Variants in KIAA1217 observed in about 807,000 individuals in gnomAD.
KIAA1217 encodes the protein sickle tail protein homolog.
KIAA1217 carries 88 observed loss-of-function variants against 163.9 expected under a neutral mutation model. The observed-to-expected ratio is 0.54, with a 90% CI of 0.45 to 0.64. The LOEUF is 0.64. Ranked by LOEUF, KIAA1217 falls within the 30% of genes least tolerant of loss-of-function variation. The pLI, the probability that KIAA1217 is intolerant of heterozygous loss-of-function variation, is 0.00. For synonymous variants in KIAA1217, 903 were observed against 923.1 expected (o/e 0.98, Z 0.39); for missense variants, 2,372 against 2,475.0 (o/e 0.96, Z 0.88).
At chr10:23,742,809 A>G (rs1043141087) in intron 1 of KIAA1217, among the ~76,000 whole-genome samples, 1 of 152,200 alleles carries the variant, frequency 6.6e-6, no homozygotes, top group Non-Finnish European at 1.5e-5. Context: ...TCAAACACTG[A>G]TGAACAGCCA....
chr10:24,292,206 G>A (rs930355589), intron 2 of KIAA1217, among the ~76,000 whole-genome samples: 2 of 152,202 alleles, frequency 1.3e-5, no homozygotes, highest in Admixed American at 6.5e-5. Context: ...TTAAGTGGAT[G>A]TAGTTTGCAG....
intron 2 of KIAA1217, among the ~76,000 whole-genome samples, chr10:24,101,485 G>A (rs2062413767): frequency 6.6e-6 from 1 of 152,038 alleles, no homozygotes; most frequent in Non-Finnish European, 1.5e-5. Context: ...CCTGGTGGAC[G>A]CTTAAATCAA....
intron 2 of KIAA1217, among the ~76,000 whole-genome samples, chr10:24,263,939 C>T (rs2131784768): frequency 6.6e-6 from 1 of 152,190 alleles, no homozygotes; most frequent in East Asian, 1.9e-4. Flanking sequence ...CTCACTGCAA[C>T]CCCTGCCTCC....
At chr10:23,878,287 C>A (rs529464822) in intron 1 of KIAA1217, among the ~76,000 whole-genome samples, 1 of 151,844 alleles carries the variant, frequency 6.6e-6, no homozygotes, top group Non-Finnish European at 1.5e-5. Context: ...ATGAAGCCAG[C>A]GGACAGTATC....
At chr10:24,035,557 A>T (rs1848358192) in intron 2 of KIAA1217, among the ~76,000 whole-genome samples, 1 of 152,226 alleles carries the variant, frequency 6.6e-6, no homozygotes, top group African/African-American at 2.4e-5. Flanking sequence ...CTTCTGAGGC[A>T]GAGTGTAGCT....
intron 9 of KIAA1217, among the ~76,000 whole-genome samples, chr10:24,511,596 G>C (rs1308845105): frequency 6.6e-6 from 1 of 152,118 alleles, no homozygotes; most frequent in Non-Finnish European, 1.5e-5. Flanking sequence ...GCAGTGAACT[G>C]AGATCGTGCC....
intron 1 of KIAA1217, among the ~76,000 whole-genome samples, chr10:23,995,656 A>C (rs1425488588): frequency 6.6e-6 from 1 of 152,216 alleles, no homozygotes; most frequent in East Asian, 1.9e-4. Flanking sequence ...GCGGCAATCC[A>C]GGGACTGTCT....
intron 2 of KIAA1217, among the ~76,000 whole-genome samples, chr10:24,195,265 A>G (rs1279763973): frequency 6.6e-6 from 1 of 152,204 alleles, no homozygotes; most frequent in Non-Finnish European, 1.5e-5. Flanking sequence ...AGTGCCTTTT[A>G]TTAAGCTTCC....
intron 2 of KIAA1217, among the ~76,000 whole-genome samples, chr10:24,024,283 CT>C (rs1847853943): frequency 6.6e-6 from 1 of 151,496 alleles, no homozygotes; most frequent in Non-Finnish European, 1.5e-5. Context: ...TTCCATTGTC[CT>C]CTTTTGCAGT....
intron 11 of KIAA1217, among the ~76,000 whole-genome samples, chr10:24,520,874 CAAAAAAT>C (rs1339463546): frequency 6.8e-6 from 1 of 147,034 alleles, no homozygotes; most frequent in African/African-American, 2.5e-5. Context: ...AAATAAAAAA[CAAAAAAT>C]AAAAAATTAA....
intron 2 of KIAA1217, among the ~76,000 whole-genome samples, chr10:24,194,468 C>G (rs574990565): frequency 1.3e-5 from 2 of 151,098 alleles, no homozygotes; most frequent in Non-Finnish European, 2.9e-5. Context: ...ACTACGGACA[C>G]TTGCCACTCC....
chr10:24,465,084 G>A (rs1056992847), intron 5 of KIAA1217, among the ~76,000 whole-genome samples: 4 of 152,288 alleles, frequency 2.6e-5, no homozygotes, highest in East Asian at 1.9e-4. Context: ...TGGAAAGTAC[G>A]TGCTTGACTG....
chr10:24,472,941 C>T (rs541909041), intron 5 of KIAA1217, among the ~76,000 whole-genome samples: 15 of 152,292 alleles, frequency 9.8e-5, no homozygotes, highest in African/African-American at 3.6e-4. Context: ...TCTAACCCTA[C>T]TTCCATCAGC....
rs182596 is a variant in KIAA1217 at position 24,314,416 on chromosome 10, T to C, written c.355-66453T>C. 8.1e-3 allele frequency among the ~76,000 whole-genome samples: 1,239 copies of C among 152,280 alleles called. 11 individuals are homozygous for C. The highest frequency in any genetic ancestry group is 0.012 in the Non-Finnish European group (785 of 68,024). ...GCACAGTTGTGTCATCTGTCCAAGG[T>C]AGCACTTTAGCAGTTTCCTAAATGA... On this transcript the variant is annotated intron_variant, in intron 2 of 20. Transcript: ENST00000376454.
At position 23,803,588 on chromosome 10, in the gene KIAA1217, G is replaced by T. The variant is rs977708222; in HGVS notation, c.-321+108354G>T. Among the ~76,000 whole-genome samples, 7 of 152,112 alleles carry T rather than the reference G, an allele frequency of 4.6e-5. No individual in the cohort carries two copies. The South Asian group carries it at 1.5e-3, about 32-fold the overall frequency. On this transcript the variant is annotated intron_variant, in intron 1 of 18. Transcript: ENST00000376462. Reference sequence around the variant, plus strand: ...GCCCCATAGGAGTCCTGCTCCCAAGGCACTCCCCAGTGAACATCGTGCAGA... The same window carrying T: ...GCCCCATAGGAGTCCTGCTCCCAAGTCACTCCCCAGTGAACATCGTGCAGA...
intron 1 of KIAA1217, among the ~76,000 whole-genome samples, chr10:23,897,746 T>C (rs931905686): frequency 2.6e-5 from 4 of 152,012 alleles, no homozygotes; most frequent in African/African-American, 9.7e-5. Flanking sequence ...TCCTGTTTTC[T>C]TCACTGTTTC....
At chr10:23,930,006 G>A (rs1843192363) in intron 1 of KIAA1217, among the ~76,000 whole-genome samples, 2 of 152,090 alleles carry the variant, frequency 1.3e-5, no homozygotes, top group African/African-American at 2.4e-5. Flanking sequence ...CCCACTAATA[G>A]TGTATAAGCA....
chr10:23,745,605 A>G (rs151114696), intron 1 of KIAA1217, among the ~76,000 whole-genome samples: 1 of 152,334 alleles, frequency 6.6e-6, no homozygotes, highest in East Asian at 1.9e-4. Flanking sequence ...CTGTATATAT[A>G]TTACAGCACA....
chr10:24,090,895 A>G (rs914296098), intron 2 of KIAA1217, among the ~76,000 whole-genome samples: 1 of 151,904 alleles, frequency 6.6e-6, no homozygotes, highest in African/African-American at 2.4e-5. Flanking sequence ...TTGAAACACT[A>G]GTTACCTATG....
Sources: gnomAD v4.1 joint callset for allele counts (sites outside exome capture counted in the v4.1 genomes callset) on GRCh38, gnomAD v4.1.1 for gene constraint, MANE v1.5 for transcripts, NCBI Gene and HGNC (gene_info 2026-07-23, HGNC 2026-07-21) for gene names.